The following TOM1L1 variants were observed in gnomAD, a reference collection of about 807,000 sequenced individuals.
The protein encoded by TOM1L1 is TOM1-like protein 1.
In TOM1L1, 64 loss-of-function variants were observed where a neutral mutation model predicts 63.4. The observed-to-expected ratio is 1.01, with a 90% CI of 0.83 to 1.24. The LOEUF (loss-of-function observed/expected upper bound fraction) is 1.24, where lower values mean the gene tolerates loss of function less well. TOM1L1 is among the 50% of genes most tolerant of loss of function. The pLI is 0.00. For missense variants in TOM1L1, 536 were observed against 567.0 expected (o/e 0.95, Z 0.55); for synonymous variants, 166 against 194.4 (o/e 0.85, Z 1.22).
In TOM1L1 at chr17:54,901,279, A is replaced by G. The variant is rs559045041; in HGVS notation, c.58+356A>G. ...AGTTATTCCTAAAGGCACATTCTCC[A>G]GGGCACGGTATTGTTATGCCCGTTT... On this transcript the variant is annotated intron_variant, in intron 1 of 15. Coordinates refer to ENST00000575882, the MANE Select transcript of TOM1L1 (RefSeq NM_005486.3). 1.2e-5 allele frequency: 4 copies of G among 339,412 alleles called. No individual in the cohort carries two copies. In the East Asian group the frequency reaches 2.4e-4, roughly 20 times the overall value. The allele number at this position is 339,412 out of a possible 1,614,324, so 21.0% of individuals were successfully genotyped here. A position where few individuals can be genotyped will look rare whatever the true frequency, so the allele number is the denominator to read the frequency against.
In TOM1L1 at chr17:54,947,313, G is replaced by C. The variant is rs763198838; in HGVS notation, c.1182+1G>C. Reference sequence around the variant, plus strand: ...CACCTCAAGCCACGCATATGATAATGTAAGTAACAAAACTCTTTTCTAGCA... The same window carrying C: ...CACCTCAAGCCACGCATATGATAATCTAAGTAACAAAACTCTTTTCTAGCA... On this transcript the variant is annotated splice_donor_variant, in intron 12 of 15. Coordinates refer to ENST00000575882, the MANE Select transcript of TOM1L1 (RefSeq NM_005486.3). LOFTEE classifies it high-confidence loss of function. 2.5e-6 allele frequency: 4 copies of C among 1,613,958 alleles called. No individual in the cohort carries two copies. The highest frequency in any genetic ancestry group is 3.3e-5 in the Admixed American group (2 of 60,002).
intron 14 of TOM1L1, chr17:54,959,547 C>T (rs2077056138): frequency 1.3e-5 from 2 of 150,830 alleles, no homozygotes. Context: ...ACAGAAATGA[C>T]AGTGATGAGC....
intron 7 of TOM1L1, among the ~76,000 whole-genome samples, chr17:54,929,789 T>G (rs913753640): frequency 3.3e-5 from 5 of 151,928 alleles, no homozygotes; most frequent in Non-Finnish European, 7.4e-5. Context: ...AGCACTACAT[T>G]TAGAATTCCC....
intron 1 of TOM1L1, among the ~76,000 whole-genome samples, chr17:54,901,456 G>A (rs937702479): frequency 4.6e-5 from 7 of 152,140 alleles, no homozygotes; most frequent in African/African-American, 1.7e-4. Flanking sequence ...CTTGGCATTG[G>A]AGTGAAGAGG....
intron 14 of TOM1L1, 28 bp downstream of exon 14, chr17:54,950,154 A>AT: frequency 1.9e-6 from 3 of 1,574,376 alleles, no homozygotes; most frequent in African/African-American, 1.3e-5. Flanking sequence ...TGATTAATTT[A>AT]TTTTTTGTCT....
chr17:54,914,362 C>G (rs1180154909), intron 5 of TOM1L1, among the ~76,000 whole-genome samples: 1 of 116,382 alleles, frequency 8.6e-6, no homozygotes, highest in East Asian at 2.0e-4. Context: ...ATCACTTAGA[C>G]CCTTGGTTAA....
chr17:54,939,013 A>G lies in TOM1L1; in HGVS notation c.1123A>G (p.Ile375Val). Reference sequence around the variant, plus strand: ...CTTGCTAGCCTTGGAGAATACAGAGATACCCCCGTAAGTATGTCAGTAACA... The same window carrying G: ...CTTGCTAGCCTTGGAGAATACAGAGGTACCCCCGTAAGTATGTCAGTAACA... Reference protein sequence around the residue: ...MNLLALENTEIPPFAQRTSQN... With the variant: ...MNLLALENTEVPPFAQRTSQN... The change falls in exon 11 of 16, where the codon ATA becomes GTA. Residue 375 changes from isoleucine (I) to valine (V), a missense_variant. Ile to Val is a conservative substitution (Grantham distance 29). Transcript: ENST00000575882. 4.4e-6 allele frequency: 7 copies of G among 1,598,248 alleles called. No individual in the cohort carries two copies. Among genetic ancestry groups the G allele is most frequent in the Non-Finnish European group, 6.0e-6 (7 of 1,166,616 alleles).
In TOM1L1 at chr17:54,937,166, C is replaced by T. The variant is rs147858585; in HGVS notation, c.973C>T (p.Arg325Trp). 251 of 1,613,834 alleles carry T rather than the reference C, an allele frequency of 1.6e-4. No homozygotes were observed. The highest frequency in any genetic ancestry group is 1.8e-4 in the Non-Finnish European group (209 of 1,179,996). Reference sequence around the variant, plus strand: ...TCTCCTCGACCTAAGTCCCAGTCCCCGGATGCCTAGGGCCACTCTGGGAGA... The same window carrying T: ...TCTCCTCGACCTAAGTCCCAGTCCCTGGATGCCTAGGGCCACTCTGGGAGA... ...QDLLDLSPSP[R>W]MPRATLGELN... Residue 325 changes from arginine (R) to tryptophan (W), a missense_variant, in exon 10 of 16, where the codon CGG becomes TGG. Coordinates refer to ENST00000575882, the MANE Select transcript of TOM1L1 (RefSeq NM_005486.3).
chr17:54,904,629 T>C (rs984051963), intron 2 of TOM1L1, among the ~76,000 whole-genome samples: 1 of 152,382 alleles, frequency 6.6e-6, no homozygotes. Context: ...TCTTATAGCA[T>C]GTGCTATCGT....
chr17:54,953,803 T>C (rs1212801651), intron 14 of TOM1L1: 1 of 152,186 alleles, frequency 6.6e-6, no homozygotes, highest in Non-Finnish European at 1.5e-5. Flanking sequence ...AGTATGTGGA[T>C]TTATTGCCAC....
At chr17:54,933,814 C>T (rs1759436938) in intron 8 of TOM1L1, among the ~76,000 whole-genome samples, 1 of 152,188 alleles carries the variant, frequency 6.6e-6, no homozygotes, top group South Asian at 2.1e-4. Context: ...AGCTACCACA[C>T]CTGGCCATCC....
intron 8 of TOM1L1, chr17:54,930,480 G>A (rs2048840794): frequency 3.2e-6 from 1 of 308,718 alleles, no homozygotes; most frequent in African/African-American, 2.2e-5. Flanking sequence ...CGAGGCAGGA[G>A]GATCACTTGA....
intron 3 of TOM1L1, among the ~76,000 whole-genome samples, chr17:54,912,281 G>T (rs1476940418): frequency 1.3e-5 from 2 of 152,154 alleles, no homozygotes; most frequent in East Asian, 3.9e-4. Context: ...GAAAGTGAAA[G>T]GGTGTGTCAT....
intron 1 of TOM1L1, among the ~76,000 whole-genome samples, chr17:54,903,395 T>C (rs1165332856): frequency 1.3e-5 from 2 of 152,256 alleles, no homozygotes; most frequent in Admixed American, 1.3e-4. Flanking sequence ...AGGTAGCTGC[T>C]CACTAAGCCC....
rs371829683 is a variant in TOM1L1 at position 54,951,053 on chromosome 17, G to A, written c.1370+927G>A. On this transcript the variant is annotated intron_variant, in intron 14 of 15. Transcript: ENST00000575882. ...TTGAGAGCTCAGTCCCCACCACCCC[G>A]ACACCTACCTTCCCAGACACCAGTC... Among the ~76,000 whole-genome samples, 226 of 152,198 alleles carry A rather than the reference G, an allele frequency of 1.5e-3. 7 individuals are homozygous for A. In the South Asian group the frequency reaches 0.046, roughly 31 times the overall value.
At chr17:54,945,872 A>G (rs558954887) in intron 11 of TOM1L1, among the ~76,000 whole-genome samples, 2 of 151,850 alleles carry the variant, frequency 1.3e-5, no homozygotes, top group Non-Finnish European at 2.9e-5. Flanking sequence ...CTTGGCATCG[A>G]TATCTGTTAT....
In TOM1L1 at chr17:54,930,100, C is replaced by G; in HGVS notation, c.748C>G (p.Gln250Glu). The G allele has an allele frequency of 5.0e-6, 8 of 1,614,064 alleles. No homozygotes were observed. The highest frequency in any genetic ancestry group is 6.8e-6 in the Non-Finnish European group (8 of 1,179,998). Reference protein sequence around the residue: ...QKLYKTGREMQERIMDLLVVV... With the variant: ...QKLYKTGREMEERIMDLLVVV... ...ACTCTATAAAACAGGTCGGGAGATGCAGGAGAGGATCATGGACCTGCTTGT... is the reference window on the plus strand; with the variant it reads ...ACTCTATAAAACAGGTCGGGAGATGGAGGAGAGGATCATGGACCTGCTTGT... The change falls in exon 8 of 16, where the codon CAG (glutamine) becomes GAG (glutamate). Residue 250 changes from glutamine (Q) to glutamate (E), a missense_variant. Gln to Glu is a conservative substitution (Grantham distance 29). Transcript: ENST00000575882.
chr17:54,913,664 T>TTA lies in TOM1L1; in HGVS notation c.373-84_373-83insTA. ...CCGGGCAATAGTGTGAGACTCTGTC[T>TTA]CAAAAAAAAAAAAAAAAAAAAGAAT... is the stretch of plus-strand genomic sequence containing the variant. On this transcript the variant is annotated intron_variant, in intron 4 of 15. Transcript: ENST00000575882. The TTA allele has an allele frequency of 4.1e-6, 4 of 982,946 alleles. No homozygotes were observed. The South Asian group carries it at 6.2e-5, about 15-fold the overall frequency. 60.9% of individuals were successfully genotyped at this position (982,946 alleles called of 1,614,324 possible). A position where few individuals can be genotyped will look rare whatever the true frequency, so the allele number is the denominator to read the frequency against.
intron 14 of TOM1L1, chr17:54,953,417 G>A (rs1028815771): frequency 6.6e-6 from 1 of 152,292 alleles, no homozygotes; most frequent in Non-Finnish European, 1.5e-5. Flanking sequence ...GTGTAACCTG[G>A]GGCTCCTTGG....
Sources: gnomAD v4.1 joint callset for allele counts (sites outside exome capture counted in the v4.1 genomes callset) on GRCh38, gnomAD v4.1.1 for gene constraint, MANE v1.5 for transcripts, NCBI Gene and HGNC (gene_info 2026-07-23, HGNC 2026-07-21) for gene names.